Variants in OR3A2 observed in about 807,000 individuals in gnomAD.
OR3A2 encodes olfactory receptor 3A2.
For missense variants in OR3A2, 318 were observed against 392.8 expected, an observed-to-expected ratio of 0.81 and a Z score of 1.61; for synonymous variants, 126 against 159.3, an observed-to-expected ratio of 0.79 and a Z score of 1.57.
At chr17:3,355,002 T>C (rs1216180806) in intron 2 of OR3A2, among the ~76,000 whole-genome samples, 2 of 151,412 alleles carry the variant, frequency 1.3e-5, no homozygotes, top group Non-Finnish European at 2.9e-5. Context: ...TTCTCAATGT[T>C]GTTATTGGCC....
intron 2 of OR3A2, among the ~76,000 whole-genome samples, chr17:3,360,677 C>T (rs12220913): frequency 4.0e-5 from 6 of 151,682 alleles, no homozygotes; most frequent in Admixed American, 3.3e-4. Flanking sequence ...AATAGGGAAT[C>T]CTTTCCCCAT....
rs2049046932 is a variant in OR3A2 at position 3,311,841 on chromosome 17, T to A, written c.-85+24192A>T. Reference sequence around the variant, plus strand: ...TTGGGATCCTCAACACTATCCTCAGTCCCATGCTGAACCCAGTCATTTACA... The same window carrying A: ...TTGGGATCCTCAACACTATCCTCAGACCCATGCTGAACCCAGTCATTTACA... On this transcript the variant is annotated intron_variant, in intron 3 of 4. Coordinates refer to the OR3A2 transcript ENST00000573491. The surrounding 1 kb of genome is among the most constrained non-coding windows in gnomAD (Gnocchi z 4.6). The A allele has an allele frequency of 5.9e-6, 1 of 170,456 alleles. No homozygotes were observed. Among genetic ancestry groups the A allele is most frequent in the Admixed American group, 5.5e-5 (1 of 18,094 alleles). The allele number at this position is 170,456 out of a possible 1,614,324, so 10.6% of individuals were successfully genotyped here. A position where few individuals can be genotyped will look rare whatever the true frequency, so the allele number is the denominator to read the frequency against.
chr17:3,299,965 G>A (rs546610024), intron 3 of OR3A2, among the ~76,000 whole-genome samples: 1 of 151,778 alleles, frequency 6.6e-6, no homozygotes, highest in South Asian at 2.1e-4. Context: ...TAATTTTCTG[G>A]ACAACTCTTT....
At chr17:3,288,246 CAAA>C, upstream of OR3A2, among the ~76,000 whole-genome samples, 2,526 of 73,488 alleles carry the variant, frequency 0.034, 63 homozygotes, top group African/African-American at 0.093. Context: ...ACCAAAAGGG[CAAA>C]AAAAAAAAAA....
intron 2 of OR3A2, among the ~76,000 whole-genome samples, chr17:3,377,136 G>A (rs2049691868): frequency 6.6e-6 from 1 of 152,090 alleles, no homozygotes; most frequent in African/African-American, 2.4e-5. Context: ...AATTCTTTTG[G>A]TTTTGCTTGT....
intron 2 of OR3A2, among the ~76,000 whole-genome samples, chr17:3,337,043 C>A (rs1019142243): frequency 2.0e-5 from 3 of 152,170 alleles, no homozygotes; most frequent in Non-Finnish European, 4.4e-5. Context: ...TAATTTCATA[C>A]CTCTTTCTGC....
chr17:3,289,354 A>C (rs542208614), upstream of OR3A2, among the ~76,000 whole-genome samples: 20 of 152,310 alleles, frequency 1.3e-4, no homozygotes, highest in African/African-American at 4.6e-4. Context: ...TGATAAAGAA[A>C]CCGTGTGATC....
At chr17:3,347,066 T>G (rs927922106) in intron 2 of OR3A2, among the ~76,000 whole-genome samples, 3 of 152,166 alleles carry the variant, frequency 2.0e-5, no homozygotes, top group African/African-American at 7.2e-5. Flanking sequence ...GCAGCGAGAC[T>G]GCTGGATCAT....
At chr17:3,332,163 T>A (rs531852743) in intron 3 of OR3A2, among the ~76,000 whole-genome samples, 1 of 152,374 alleles carries the variant, frequency 6.6e-6, no homozygotes, top group South Asian at 2.1e-4. Context: ...TACTGCTGAC[T>A]TTTTGTCTGT....
intron 1 of OR3A2, among the ~76,000 whole-genome samples, chr17:3,282,652 G>A (rs1363783921): frequency 6.6e-6 from 1 of 152,232 alleles, no homozygotes; most frequent in Non-Finnish European, 1.5e-5. Flanking sequence ...AAGATCACAT[G>A]ACTTGGAGGA....
At chr17:3,292,900 A>C (rs1407610240) in intron 3 of OR3A2, among the ~76,000 whole-genome samples, 1 of 152,148 alleles carries the variant, frequency 6.6e-6, no homozygotes, top group East Asian at 1.9e-4. Flanking sequence ...AAAATAAGCA[A>C]AAAGTGTACT....
chr17:3,349,268 T>A (rs1356088904), intron 2 of OR3A2, among the ~76,000 whole-genome samples: 2 of 152,164 alleles, frequency 1.3e-5, no homozygotes, highest in Non-Finnish European at 2.9e-5. Flanking sequence ...CCCATCGGTG[T>A]GCTGTATTCA....
chr17:3,342,963 T>A (rs1567561734), intron 2 of OR3A2, among the ~76,000 whole-genome samples: 1 of 152,330 alleles, frequency 6.6e-6, no homozygotes, highest in South Asian at 2.1e-4. Context: ...TCAGCAATGG[T>A]GGACGCCCCT....
upstream of OR3A2, among the ~76,000 whole-genome samples, chr17:3,286,847 A>C (rs1157302916): frequency 6.6e-6 from 1 of 152,248 alleles, no homozygotes; most frequent in Non-Finnish European, 1.5e-5. Context: ...AGATTGCAAA[A>C]ATTTTCTCCC....
intron 2 of OR3A2, among the ~76,000 whole-genome samples, chr17:3,366,084 C>T (rs2049560475): frequency 6.6e-6 from 1 of 152,134 alleles, no homozygotes; most frequent in Non-Finnish European, 1.5e-5. Context: ...TAGCGGAAAA[C>T]GTCTGATGGA....
chr17:3,341,148 G>A (rs890268263), intron 2 of OR3A2, among the ~76,000 whole-genome samples: 1 of 152,018 alleles, frequency 6.6e-6, no homozygotes, highest in Non-Finnish European at 1.5e-5. Context: ...TTTATTTTGA[G>A]CCCATGTGTG....
chr17:3,307,342 T>C (rs2049007208), intron 3 of OR3A2, among the ~76,000 whole-genome samples: 1 of 152,216 alleles, frequency 6.6e-6, no homozygotes, highest in African/African-American at 2.4e-5. Context: ...CTTAGCCTCT[T>C]ACAAGGACAG....
intron 2 of OR3A2, among the ~76,000 whole-genome samples, chr17:3,351,979 T>C (rs952717174): frequency 6.6e-6 from 1 of 152,138 alleles, no homozygotes; most frequent in East Asian, 1.9e-4. Context: ...TGGCTAGCCA[T>C]ATGTAGAAAG....
At chr17:3,337,379 C>T (rs1201950158) in intron 2 of OR3A2, among the ~76,000 whole-genome samples, 1 of 152,114 alleles carries the variant, frequency 6.6e-6, no homozygotes, top group Non-Finnish European at 1.5e-5. Flanking sequence ...CACCCATTAA[C>T]TCATCATTTA....
Sources: gnomAD v4.1 joint callset for allele counts (sites outside exome capture counted in the v4.1 genomes callset) on GRCh38, gnomAD v4.1.1 for gene constraint, Gnocchi (gnomAD v3.1) non-coding constraint, MANE v1.5 for transcripts, NCBI Gene and HGNC (gene_info 2026-07-23, HGNC 2026-07-21) for gene names.